The following NLRP4 variants were observed in gnomAD, a reference collection of about 807,000 sequenced individuals.
NLRP4 encodes the protein NACHT, LRR and PYD domains-containing protein 4.
A neutral mutation model predicts 84.7 loss-of-function variants in NLRP4; 44 were observed. The observed-to-expected ratio is 0.52, with a 90% CI of 0.41 to 0.67. NLRP4 has a LOEUF of 0.67. Ranked by LOEUF, NLRP4 falls within the 30% of genes least tolerant of loss-of-function variation. The pLI, the probability that NLRP4 is intolerant of heterozygous loss-of-function variation, is 0.00. For synonymous variants in NLRP4, 544 were observed against 476.4 expected (o/e 1.14, Z -1.85); for missense variants, 1,260 against 1,219.4 (o/e 1.03, Z -0.50).
rs1568672324 is a variant in NLRP4 at position 55,870,902 on chromosome 19, C to T, written c.2430C>T (p.Arg810=). 1.2e-6 allele frequency: 2 copies of T among 1,614,040 alleles called. No individual in the cohort carries two copies. Among genetic ancestry groups the T allele is most frequent in the East Asian group, 2.2e-5 (1 of 44,882 alleles). Residue 810 remains arginine, a synonymous_variant, in exon 7 of 10, where the codon CGC becomes CGT. Coordinates refer to ENST00000301295, the MANE Select transcript of NLRP4 (RefSeq NM_134444.5). ...TGCTTCTGCGTAACAAGAGCGTGCG[C>T]TATCTAGACCTCAGTGCCAATGTCC... ...SEMLLRNKSV[R]YLDLSANVLK... is the part of the protein sequence containing the mutation.
chr19:55,877,241 A>G, intron 8 of NLRP4, 75 bp downstream of exon 8: 4 of 1,392,234 alleles, frequency 2.9e-6, no homozygotes, highest in Non-Finnish European at 4.0e-6. Flanking sequence ...AAAGAGAAAG[A>G]TGAAAACTCC....
At chr19:55,860,371 C>A (rs1375827598) in intron 3 of NLRP4, among the ~76,000 whole-genome samples, 1 of 152,150 alleles carries the variant, frequency 6.6e-6, no homozygotes, top group Non-Finnish European at 1.5e-5. Flanking sequence ...AGCCAGGGGG[C>A]TAAGACCAGC....
At chr19:55,846,236 T>A (rs557082846) in intron 1 of NLRP4, among the ~76,000 whole-genome samples, 15 of 152,286 alleles carry the variant, frequency 9.8e-5, no homozygotes, top group Middle Eastern at 3.4e-3. Flanking sequence ...AGCTTTCTAC[T>A]TACGGCTAGC....
At chr19:55,856,292 C>T (rs1027681015) in intron 2 of NLRP4, among the ~76,000 whole-genome samples, 1 of 152,118 alleles carries the variant, frequency 6.6e-6, no homozygotes, top group African/African-American at 2.4e-5. Flanking sequence ...CTGCGCCCAG[C>T]CAACTACAGC....
intron 1 of NLRP4, among the ~76,000 whole-genome samples, chr19:55,841,909 C>G (rs1211832295): frequency 6.6e-6 from 1 of 152,152 alleles, no homozygotes; most frequent in African/African-American, 2.4e-5. Context: ...AAGGATATCT[C>G]TTTGACATAC....
intron 5 of NLRP4, among the ~76,000 whole-genome samples, chr19:55,864,558 T>C (rs1984880645): frequency 6.6e-6 from 1 of 152,180 alleles, no homozygotes; most frequent in Non-Finnish European, 1.5e-5. Context: ...CTTTCAATCC[T>C]TTTGGACTTG....
chr19:55,878,529 A>C (rs563018737), intron 8 of NLRP4, among the ~76,000 whole-genome samples: 1 of 152,422 alleles, frequency 6.6e-6, no homozygotes, highest in South Asian at 2.1e-4. Context: ...TATCCAAAGC[A>C]AGGTATGAAG....
chr19:55,868,371 G>A (rs905185005), intron 6 of NLRP4, among the ~76,000 whole-genome samples: 8 of 152,078 alleles, frequency 5.3e-5, no homozygotes, highest in African/African-American at 1.9e-4. Context: ...TTTAGGGTAC[G>A]TAAAACACAG....
At chr19:55,853,803 CTCTTTCTCTT>C (rs1460645709) in intron 2 of NLRP4, among the ~76,000 whole-genome samples, 1 of 151,628 alleles carries the variant, frequency 6.6e-6, no homozygotes, top group Non-Finnish European at 1.5e-5. Context: ...CTCTCTCTCT[CTCTTTCTCTT>C]TCTTTCTTGC....
chr19:55,854,970 C>T (rs951583065), intron 2 of NLRP4, among the ~76,000 whole-genome samples: 15 of 152,196 alleles, frequency 9.9e-5, no homozygotes, highest in Non-Finnish European at 1.8e-4. Context: ...GTGATCCGCC[C>T]GCCTTGGCTT....
chr19:55,872,611 A>C (rs925372615), intron 7 of NLRP4, among the ~76,000 whole-genome samples: 3 of 152,212 alleles, frequency 2.0e-5, no homozygotes, highest in Non-Finnish European at 4.4e-5. Flanking sequence ...ATAATTAAAG[A>C]AAAAATTAGT....
rs147460223 is a variant in NLRP4 at position 55,848,874 on chromosome 19, C to G, written c.-65-3142C>G. On this transcript the variant is annotated intron_variant, in intron 1 of 9. Coordinates refer to ENST00000301295, the MANE Select transcript of NLRP4 (RefSeq NM_134444.5). ...GGATGGTTTCCCCCATACTGTTCTC[C>G]TAGTAGTGAATAAGTCTCGTGAGAC... 6.8e-3 allele frequency among the ~76,000 whole-genome samples: 1,030 copies of G among 152,208 alleles called. 12 individuals are homozygous for G. Among genetic ancestry groups the G allele is most frequent in the African/African-American group, 0.023 (953 of 41,514 alleles).
chr19:55,852,456 G>A, intron 2 of NLRP4, 96 bp downstream of exon 2: 1 of 694,410 alleles, frequency 1.4e-6, no homozygotes, highest in Non-Finnish European at 2.4e-6. Context: ...GGACCTGAAT[G>A]TGCTATGGGA....
Position 55,852,283 on chromosome 19 carries a change from C to T in NLRP4, c.203C>T (p.Ala68Val). 6.2e-7 allele frequency: 1 copy of T among 1,605,686 alleles called. No individual in the cohort carries two copies. The change falls in exon 2 of 10, where the codon GCT becomes GTT. Residue 68 changes from alanine to valine, a missense_variant. Coordinates refer to ENST00000301295, the MANE Select transcript of NLRP4 (RefSeq NM_134444.5). ...ATCAAGCACTATGAAGAACAACAAG[C>T]TTGGAACATAACCTTAAGAATCTTT... Reference protein sequence around the residue: ...LLIKHYEEQQAWNITLRIFQK... With the variant: ...LLIKHYEEQQVWNITLRIFQK...
rs1447461406 is a variant in NLRP4, at chr19:55,863,653, A to G, written c.2186+1494A>G. ...CGACGTGAGGGTTGGGTGGGGACAC[A>G]GCCGAACCATATCAGACAGCGGTTA... On this transcript the variant is annotated intron_variant, in intron 5 of 9. Coordinates refer to ENST00000301295, the MANE Select transcript of NLRP4 (RefSeq NM_134444.5). Among the ~76,000 whole-genome samples the G allele has an allele frequency of 5.3e-5, 8 of 152,136 alleles. 1 individual carries two copies. Among genetic ancestry groups the G allele is most frequent in the Admixed American group, 1.3e-4 (2 of 15,276 alleles).
chr19:55,857,678 C>G lies in NLRP4; in HGVS notation c.285C>G (p.Tyr95Ter). 1 of 1,612,356 alleles carries G rather than the reference C, an allele frequency of 6.2e-7. No homozygotes were observed. The highest frequency in any genetic ancestry group is 2.2e-5 in the East Asian group (1 of 44,878). ...CTCTTGCCCTCACTGACTCAGGATA[C>G]ACAAAGACCTATCAAGCTCACGCAA... ...CMKVMRERTG[Y>*]TKTYQAHAKQ... The change falls in exon 3 of 10, where the codon TAC (tyrosine) becomes TAG (stop). Residue 95 changes from tyrosine to a stop codon, truncating the protein, a stop_gained. Transcript: ENST00000301295. LOFTEE classifies it high-confidence loss of function.
chr19:55,858,190 G>A lies in NLRP4; in HGVS notation c.797G>A (p.Arg266Lys), dbSNP rs867319969. 1.9e-6 allele frequency: 3 copies of A among 1,614,160 alleles called. No individual in the cohort carries two copies. Among genetic ancestry groups the A allele is most frequent in the Admixed American group, 3.3e-5 (2 of 60,014 alleles). The change falls in exon 3 of 10, where the codon AGG (arginine) becomes AAG (lysine). Residue 266 changes from arginine (R) to lysine (K), a missense_variant. Around this residue, in one of 3 missense-constraint regions of NLRP4, gnomAD observed 712 missense variants for 669.2 expected, o/e 1.06. Coordinates refer to ENST00000301295, the MANE Select transcript of NLRP4 (RefSeq NM_134444.5). The surrounding 1 kb of genome is among the most constrained non-coding windows in gnomAD (Gnocchi z 4.2). Reference sequence around the variant, plus strand: ...CAGGTGCTTCTGAGCAGTTTGCTGAGGAAGAAGATGCTCCCGGAGGCCTCC... The same window carrying A: ...CAGGTGCTTCTGAGCAGTTTGCTGAAGAAGAAGATGCTCCCGGAGGCCTCC... ...PVQVLLSSLL[R>K]KKMLPEASLL...
chr19:55,861,777 T>C lies in NLRP4; in HGVS notation c.2019-215T>C, dbSNP rs199475749. Among the ~76,000 whole-genome samples, 198 of 152,284 alleles carry C rather than the reference T, an allele frequency of 1.3e-3. No individual in the cohort carries two copies. Among genetic ancestry groups the C allele is most frequent in the African/African-American group, 4.1e-3 (171 of 41,572 alleles). On this transcript the variant is annotated intron_variant, in intron 4 of 9. Coordinates refer to ENST00000301295, the MANE Select transcript of NLRP4 (RefSeq NM_134444.5). ...CTGGTCTCTACCCTCTAGATCCTAA[T>C]AGCATCCCCTTGTCCAGATAACCAA...
intron 6 of NLRP4, among the ~76,000 whole-genome samples, chr19:55,869,361 CAAAAAAAAACAAAAAATAAACCA>C (rs961725880): frequency 4.7e-5 from 5 of 106,846 alleles, no homozygotes; most frequent in African/African-American, 1.1e-4. Context: ...AAGACTGTCT[CAAAAAAAAACAAAAAATAAACCA>C]AAAAAAAAAC....
Sources: gnomAD v4.1 joint callset for allele counts (sites outside exome capture counted in the v4.1 genomes callset) on GRCh38, gnomAD v4.1.1 for gene constraint, gnomAD v4.1.1 regional missense constraint, Gnocchi (gnomAD v3.1) non-coding constraint, MANE v1.5 for transcripts, NCBI Gene and HGNC (gene_info 2026-07-23, HGNC 2026-07-21) for gene names.